ARHGAP6: variants seen among roughly 807,000 people sequenced by gnomAD.
The protein encoded by ARHGAP6 is Rho GTPase activating protein 6.
Under a neutral mutation model 55.7 loss-of-function variants are expected in ARHGAP6, and 16 were observed. The ratio of observed to expected loss-of-function variants is 0.29; its 90% CI spans 0.19 to 0.44. ARHGAP6 has a LOEUF of 0.44. Among genes scored for constraint, ARHGAP6 ranks in the 20% least tolerant of loss-of-function variants. The pLI, the probability that ARHGAP6 is intolerant of heterozygous loss-of-function variation, is 1.00. For synonymous variants in ARHGAP6, 382 were observed against 360.9 expected (o/e 1.06, Z -0.66); for missense variants, 698 against 808.9 (o/e 0.86, Z 1.66).
At chrX:11,283,343 C>T (rs1260502958) in intron 1 of ARHGAP6, among the ~76,000 whole-genome samples, 1 of 111,755 alleles carries the variant, frequency 8.9e-6, no homozygotes, top group African/African-American at 3.2e-5. Context: ...ATCACATGGC[C>T]AAGTTTGGAG....
chrX:11,442,095 A>G (rs1441206107), intron 1 of ARHGAP6, among the ~76,000 whole-genome samples: 1 of 111,643 alleles, frequency 9.0e-6, no homozygotes, highest in Non-Finnish European at 1.9e-5. Context: ...CAGTTATTTA[A>G]ATTTCATTTA....
intron 1 of ARHGAP6, among the ~76,000 whole-genome samples, chrX:11,268,168 A>G (rs942504502): frequency 1.8e-5 from 2 of 111,876 alleles, no homozygotes; most frequent in African/African-American, 6.5e-5. Flanking sequence ...TATTTTGCAC[A>G]TTTAAGGCAA....
intron 1 of ARHGAP6, among the ~76,000 whole-genome samples, chrX:11,317,724 C>T (rs1603067125): frequency 8.9e-6 from 1 of 111,766 alleles, no homozygotes; most frequent in Admixed American, 9.5e-5. Context: ...CCGGCCCCAC[C>T]TTAGAGCAGG....
At chrX:11,407,697 A>C (rs2049627536) in intron 1 of ARHGAP6, among the ~76,000 whole-genome samples, 1 of 111,750 alleles carries the variant, frequency 8.9e-6, no homozygotes, top group African/African-American at 3.2e-5. Context: ...TGGTGGGTGT[A>C]AAGTGGTATT....
At chrX:11,591,109 T>G (rs1184935256) in intron 1 of ARHGAP6, among the ~76,000 whole-genome samples, 1 of 107,286 alleles carries the variant, frequency 9.3e-6, no homozygotes, top group Non-Finnish European at 1.9e-5. Context: ...GGAGAATCAC[T>G]TGAACCTGGA....
chrX:11,292,723 T>G (rs1422273276), intron 1 of ARHGAP6, among the ~76,000 whole-genome samples: 2 of 112,168 alleles, frequency 1.8e-5, no homozygotes, highest in Non-Finnish European at 3.8e-5. Flanking sequence ...CCTTGTAGTA[T>G]AGATCATCAG....
At chrX:11,636,124 G>A (rs886744714) in intron 1 of ARHGAP6, among the ~76,000 whole-genome samples, 1 of 111,475 alleles carries the variant, frequency 9.0e-6, no homozygotes, top group African/African-American at 3.3e-5. Context: ...CCAGGTGAGG[G>A]TTAACAGGGA....
intron 9 of ARHGAP6, among the ~76,000 whole-genome samples, chrX:11,166,122 C>T (rs772592647): frequency 2.2e-4 from 25 of 111,748 alleles, no homozygotes; most frequent in Non-Finnish European, 4.1e-4. Flanking sequence ...TATTACAGGA[C>T]GAAGCCAGGT....
intron 1 of ARHGAP6, among the ~76,000 whole-genome samples, chrX:11,336,726 C>T (rs2048642351): frequency 9.0e-6 from 1 of 111,539 alleles, no homozygotes; most frequent in Non-Finnish European, 1.9e-5. Flanking sequence ...ATGTTTCGAT[C>T]CAAGAGATTT....
intron 1 of ARHGAP6, among the ~76,000 whole-genome samples, chrX:11,658,956 A>T (rs1424671903): frequency 9.1e-6 from 1 of 110,066 alleles, no homozygotes; most frequent in Non-Finnish European, 1.9e-5. Context: ...TGGCAATCAA[A>T]AATGCTGCCA....
At chrX:11,309,981 G>A (rs1212524473) in intron 1 of ARHGAP6, among the ~76,000 whole-genome samples, 9 of 109,041 alleles carry the variant, frequency 8.3e-5, no homozygotes, top group East Asian at 2.9e-4. Context: ...GCAAAACCTC[G>A]TCTGTACAAA....
chrX:11,590,315 A>G (rs2051789404), intron 1 of ARHGAP6, among the ~76,000 whole-genome samples: 1 of 111,498 alleles, frequency 9.0e-6, no homozygotes, highest in African/African-American at 3.3e-5. Flanking sequence ...TTGATTTCCA[A>G]AGCTCTGTTT....
intron 1 of ARHGAP6, among the ~76,000 whole-genome samples, chrX:11,527,011 AGTGTGTGTGTGTGTGTGTGTGT>A (rs59668043): frequency 3.7e-5 from 3 of 81,056 alleles, no homozygotes; most frequent in South Asian, 7.5e-4. Flanking sequence ...TAATATGAGG[AGTGTGTGTGTGTGTGTGTGTGT>A]GTGTGTGTGT....
chrX:11,647,997 C>T lies in ARHGAP6; in HGVS notation c.588+16244G>A, dbSNP rs1601726903. ...TCCTGAAGCAGGAAAAGGATATTAG[C>T]GGAAAAACTGATAAAAATCCAAGTA... On this transcript the variant is annotated intron_variant, in intron 1 of 12. Coordinates refer to ENST00000337414, the MANE Select transcript of ARHGAP6 (RefSeq NM_013427.3). Among the ~76,000 whole-genome samples the T allele has an allele frequency of 5.4e-5, 6 of 111,727 alleles. No homozygotes were observed. In the South Asian group the frequency reaches 2.2e-3, roughly 41 times the overall value.
intron 2 of ARHGAP6, among the ~76,000 whole-genome samples, chrX:11,251,977 C>T (rs2079815633): frequency 1.8e-5 from 2 of 112,425 alleles, no homozygotes; most frequent in East Asian, 2.8e-4. Context: ...TCATTAGTTC[C>T]TATTTTGACA....
In ARHGAP6 at chrX:11,605,433, C is replaced by T. The variant is rs781761423; in HGVS notation, c.588+58808G>A. ...GTTTGGGTGAAGCTTCGCCAAGTGGCTTTGGAGATGGGGCAGGAGAAGAAG... is the reference window on the plus strand; with the variant it reads ...GTTTGGGTGAAGCTTCGCCAAGTGGTTTTGGAGATGGGGCAGGAGAAGAAG... On this transcript the variant is annotated intron_variant, in intron 1 of 12. Coordinates refer to ENST00000337414, the MANE Select transcript of ARHGAP6 (RefSeq NM_013427.3). Among the ~76,000 whole-genome samples, 16 of 111,148 alleles carry T rather than the reference C, an allele frequency of 1.4e-4. No individual in the cohort carries two copies. In the South Asian group the frequency reaches 4.2e-3, roughly 29 times the overall value.
intron 9 of ARHGAP6, among the ~76,000 whole-genome samples, chrX:11,166,568 C>G (rs897191873): frequency 1.8e-5 from 2 of 112,056 alleles, no homozygotes; most frequent in African/African-American, 6.5e-5. Flanking sequence ...TTTGTCCACC[C>G]ATGCAGATCA....
chrX:11,432,898 T>C (rs1380192797), intron 1 of ARHGAP6, among the ~76,000 whole-genome samples: 3 of 112,167 alleles, frequency 2.7e-5, no homozygotes, highest in African/African-American at 9.7e-5. Flanking sequence ...AAAGTGGGGG[T>C]AAAATCTCAG....
At chrX:11,232,343 G>A (rs1450161213) in intron 2 of ARHGAP6, among the ~76,000 whole-genome samples, 1 of 111,731 alleles carries the variant, frequency 9.0e-6, no homozygotes, top group Non-Finnish European at 1.9e-5. Flanking sequence ...AAGACAGGCC[G>A]GGTGTGGTGG....
Sources: gnomAD v4.1 joint callset for allele counts (sites outside exome capture counted in the v4.1 genomes callset) on GRCh38, gnomAD v4.1.1 for gene constraint, MANE v1.5 for transcripts, NCBI Gene and HGNC (gene_info 2026-07-23, HGNC 2026-07-21) for gene names.